Variants in COL5A2 observed in about 807,000 individuals in gnomAD.
COL5A2 encodes the protein collagen type V alpha 2 chain.
A neutral mutation model predicts 208.2 loss-of-function variants in COL5A2; 23 were observed. The ratio of observed to expected loss-of-function variants is 0.11; its 90% CI spans 0.08 to 0.16. The LOEUF (loss-of-function observed/expected upper bound fraction) is 0.16, where lower values mean the gene tolerates loss of function less well. Ranked by LOEUF, COL5A2 falls within the 10% of genes least tolerant of loss-of-function variation. COL5A2 has a pLI of 1.00. For synonymous variants in COL5A2, 625 were observed against 628.5 expected, an observed-to-expected ratio of 0.99 and a Z score of 0.08; for missense variants, 1,590 against 1,956.4, an observed-to-expected ratio of 0.81 and a Z score of 3.53.
intron 2 of COL5A2, among the ~76,000 whole-genome samples, chr2:189,109,736 G>C (rs563917596): frequency 6.6e-5 from 10 of 151,922 alleles, no homozygotes; most frequent in African/African-American, 2.4e-4. Context: ...TCTTTACCTA[G>C]CCAACATGAA....
chr2:189,079,993 T>A lies in COL5A2; in HGVS notation c.945A>T (p.Gly315=). 6.2e-7 allele frequency: 1 copy of A among 1,612,942 alleles called. No homozygotes were observed. The highest frequency in any genetic ancestry group is 8.5e-7 in the Non-Finnish European group (1 of 1,179,066). The change falls in exon 14 of 54, where the codon GGA becomes GGT. Residue 315 remains glycine (G), a synonymous_variant. Transcript: ENST00000374866. ...ATAAGATTACCTTGGAACCAGGTGC[T>A]CCAACTTCACCTTTAGGGCCTTCAA... ...KGLEGPKGEV[G]APGSKGEAGP...
intron 22 of COL5A2, 67 bp downstream of exon 22, chr2:189,066,662 G>T: frequency 7.2e-7 from 1 of 1,382,184 alleles, no homozygotes; most frequent in Non-Finnish European, 1.0e-6. Context: ...AAACCCTTGA[G>T]CATTTTGAGC....
At chr2:189,093,082 C>A (rs1232104308) in intron 6 of COL5A2, among the ~76,000 whole-genome samples, 1 of 152,170 alleles carries the variant, frequency 6.6e-6, no homozygotes, top group East Asian at 1.9e-4. Flanking sequence ...GGCACTGTGA[C>A]CCAGCCAAGT....
the COL5A2 span, among the ~76,000 whole-genome samples, chr2:189,374,635 A>G: frequency 3.3e-5 from 5 of 152,196 alleles, no homozygotes; most frequent in African/African-American, 1.2e-4. Flanking sequence ...ATTTTCTACA[A>G]AGAATTTTTT....
chr2:189,288,251 A>G, the COL5A2 span, among the ~76,000 whole-genome samples: 4 of 152,220 alleles, frequency 2.6e-5, no homozygotes, highest in African/African-American at 9.6e-5. Context: ...GTTATTGCAA[A>G]CAAGTCTAGT....
chr2:189,366,486 A>C, the COL5A2 span, among the ~76,000 whole-genome samples: 3 of 152,218 alleles, frequency 2.0e-5, no homozygotes, highest in Admixed American at 2.0e-4. Context: ...CTCACAACAA[A>C]AAATTATTTA....
intron 1 of COL5A2, among the ~76,000 whole-genome samples, chr2:189,128,894 C>T (rs1687658797): frequency 6.6e-6 from 1 of 151,922 alleles, no homozygotes; most frequent in Non-Finnish European, 1.5e-5. Context: ...TCACCGAAAA[C>T]TATCATAAAC....
At chr2:189,280,909 T>G in the COL5A2 span, among the ~76,000 whole-genome samples, 1 of 152,084 alleles carries the variant, frequency 6.6e-6, no homozygotes, top group East Asian at 1.9e-4. Context: ...AACCAGTAAT[T>G]CTAATACTAT....
the COL5A2 span, among the ~76,000 whole-genome samples, chr2:189,261,876 G>A: frequency 6.6e-6 from 1 of 152,272 alleles, no homozygotes; most frequent in African/African-American, 2.4e-5. Flanking sequence ...AAGGTAGCTG[G>A]AAGAAGAGGT....
In COL5A2 at chr2:189,110,278, C is replaced by T. The variant is rs1687233947; in HGVS notation, c.269G>A (p.Gly90Glu). ...LDCADPVTPP[G>E]ECCPVCSQTP... is the part of the protein sequence containing the mutation. ...TTGTGAACAGACAGGACAGCATTCCCCAGGGGGCGTTACAGGGTCGGCACA... is the reference window on the plus strand; with the variant it reads ...TTGTGAACAGACAGGACAGCATTCCTCAGGGGGCGTTACAGGGTCGGCACA... Residue 90 changes from glycine to glutamate, a missense_variant, in exon 2 of 54, where the codon GGG becomes GAG. By Grantham distance (98) the Gly-to-Glu change is moderately conservative (BLOSUM62 -2). Transcript: ENST00000374866. 6.2e-7 allele frequency: 1 copy of T among 1,614,050 alleles called. No individual in the cohort carries two copies. Among genetic ancestry groups the T allele is most frequent in the Non-Finnish European group, 8.5e-7 (1 of 1,180,004 alleles).
chr2:189,323,793 C>A, the COL5A2 span, among the ~76,000 whole-genome samples: 5 of 152,042 alleles, frequency 3.3e-5, no homozygotes, highest in African/African-American at 9.7e-5. Flanking sequence ...GCTACCAATG[C>A]CTTTCTTCAC....
chr2:189,182,819 T>C (rs944272613), upstream of COL5A2, among the ~76,000 whole-genome samples: 1 of 152,198 alleles, frequency 6.6e-6, no homozygotes, highest in African/African-American at 2.4e-5. Context: ...TGCTCTGGCT[T>C]ATAAGAAAAA....
chr2:189,305,252 G>C, the COL5A2 span, among the ~76,000 whole-genome samples: 43,136 of 152,106 alleles, frequency 0.28, 6,391 homozygotes, highest in African/African-American at 0.35. Flanking sequence ...CCCAACAGCA[G>C]AGCTTCGCAT....
At chr2:189,335,655 C>T in the COL5A2 span, among the ~76,000 whole-genome samples, 1 of 152,056 alleles carries the variant, frequency 6.6e-6, no homozygotes, top group African/African-American at 2.4e-5. Flanking sequence ...AAGCCACCTA[C>T]AAAAGGCCAC....
the COL5A2 span, among the ~76,000 whole-genome samples, chr2:189,417,547 A>G: frequency 6.6e-6 from 1 of 151,968 alleles, no homozygotes; most frequent in Admixed American, 6.6e-5. Context: ...TTCTAATTGG[A>G]ACTGCATTTT....
intron 1 of COL5A2, among the ~76,000 whole-genome samples, chr2:189,212,970 C>T (rs1468339351): frequency 6.6e-6 from 1 of 151,586 alleles, no homozygotes. Flanking sequence ...CTCAATGTAA[C>T]CTCTGCCTCC....
At chr2:189,104,223 A>ATTAT in intron 3 of COL5A2, 41 bp downstream of exon 3, 1 of 1,423,258 alleles carries the variant, frequency 7.0e-7, no homozygotes, top group South Asian at 1.1e-5. Context: ...ATTGGATATA[A>ATTAT]GTCTGCTTAT....
At chr2:189,080,779 G>A (rs1179649130) in intron 13 of COL5A2, among the ~76,000 whole-genome samples, 4 of 152,060 alleles carry the variant, frequency 2.6e-5, no homozygotes, top group African/African-American at 7.2e-5. Flanking sequence ...TACATAGTAA[G>A]AATTCAAAAT....
chr2:189,344,365 T>C, the COL5A2 span, among the ~76,000 whole-genome samples: 1 of 152,282 alleles, frequency 6.6e-6, no homozygotes, highest in Non-Finnish European at 1.5e-5. Context: ...GAACCTCATG[T>C]ACTTACAGAC....
Sources: allele counts gnomAD v4.1 joint callset (sites outside exome capture counted in the v4.1 genomes callset), GRCh38; gene constraint gnomAD v4.1.1; transcripts MANE v1.5; gene names NCBI Gene and HGNC (gene_info 2026-07-23, HGNC 2026-07-21).